Variants in EVC2 observed in about 807,000 individuals in gnomAD.
EVC2 encodes the protein EvC ciliary complex subunit 2, also known as limbin.
Under a neutral mutation model 149.3 loss-of-function variants are expected in EVC2, and 148 were observed. The ratio of observed to expected loss-of-function variants is 0.99; its 90% CI spans 0.87 to 1.14. EVC2 has a LOEUF of 1.14. Among genes scored for constraint, EVC2 ranks in the 50% most tolerant of loss-of-function variants. The pLI is 0.00. For synonymous variants in EVC2, 776 were observed against 649.9 expected, an observed-to-expected ratio of 1.19 and a Z score of -2.95; for missense variants, 1,854 against 1,627.3, an observed-to-expected ratio of 1.14 and a Z score of -2.40.
rs139579213 is a variant in EVC2 at position 5,544,402 on chromosome 4, C to T, written c.3420-1190G>A. On this transcript the variant is annotated intron_variant and NMD_transcript_variant, in intron 21 of 22. Coordinates refer to the EVC2 transcript ENST00000475313. ...TTTCTCTGGAAATAATTTGATTATC[C>T]GTCTCATGCTACCCCCCACACACAT... 3.0e-3 allele frequency among the ~76,000 whole-genome samples: 457 copies of T among 152,244 alleles called. 2 individuals carry two copies. Among genetic ancestry groups the T allele is most frequent in the African/African-American group, 0.01 (432 of 41,538 alleles).
intron 19 of EVC2, among the ~76,000 whole-genome samples, chr4:5,570,238 T>C (rs1167699562): frequency 1.3e-5 from 2 of 152,174 alleles, no homozygotes; most frequent in African/African-American, 4.8e-5. Flanking sequence ...CAACAGACAT[T>C]TGTTGGATAA....
chr4:5,593,737 G>T (rs1713070918), intron 16 of EVC2, among the ~76,000 whole-genome samples: 1 of 152,164 alleles, frequency 6.6e-6, no homozygotes, highest in African/African-American at 2.4e-5. Context: ...TGGGTACAGT[G>T]CACCGTGCGT....
chr4:5,565,186 C>T (rs1722194616), intron 21 of EVC2, 72 bp downstream of exon 21: 2 of 1,450,790 alleles, frequency 1.4e-6, no homozygotes, highest in African/African-American at 1.4e-5. Context: ...TCACCTCCTG[C>T]CTCCCCAGCC....
chr4:5,652,060 A>G (rs1718182998), intron 9 of EVC2, among the ~76,000 whole-genome samples: 1 of 152,226 alleles, frequency 6.6e-6, no homozygotes, highest in Non-Finnish European at 1.5e-5. Flanking sequence ...AAGCTGGCGA[A>G]GGCTTTTCAG....
chr4:5,534,790 G>C, the EVC2 span, among the ~76,000 whole-genome samples: 11 of 143,018 alleles, frequency 7.7e-5, no homozygotes, highest in African/African-American at 2.9e-4. Flanking sequence ...GTTCACAGTG[G>C]TCTGGCACTT....
At chr4:5,628,906 A>G (rs955521860) in intron 11 of EVC2, among the ~76,000 whole-genome samples, 172 bp from the exon 12 acceptor site, 1 of 152,246 alleles carries the variant, frequency 6.6e-6, no homozygotes, top group African/African-American at 2.4e-5. Context: ...TGAGAAAATT[A>G]CATACAAATA....
At chr4:5,649,044 A>T (rs1717925285) in intron 9 of EVC2, among the ~76,000 whole-genome samples, 1 of 152,188 alleles carries the variant, frequency 6.6e-6, no homozygotes, top group Admixed American at 6.5e-5. Context: ...ACAACAATGA[A>T]ATACACGTAT....
chr4:5,670,304 G>A lies in EVC2; in HGVS notation c.871-4655C>T, dbSNP rs546228046. Among the ~76,000 whole-genome samples, 56 of 151,342 alleles carry A rather than the reference G, an allele frequency of 3.7e-4. No individual in the cohort carries two copies. Among genetic ancestry groups the A allele is most frequent in the African/African-American group, 1.3e-3 (52 of 41,224 alleles). On this transcript the variant is annotated intron_variant, in intron 7 of 21. Transcript: ENST00000344408. The surrounding 1 kb of genome is among the most constrained non-coding windows in gnomAD (Gnocchi z 5.2). ...ATTAACACCATCATGATCACCATCA[G>A]CAGCAGCATCACCATCAAATTCATC...
At chr4:5,544,731 G>A (rs1393402142) in intron 21 of EVC2, among the ~76,000 whole-genome samples, 1 of 152,148 alleles carries the variant, frequency 6.6e-6, no homozygotes, top group South Asian at 2.1e-4. Flanking sequence ...AGGGGGTGAG[G>A]AGTTACCAAT....
downstream of EVC2, among the ~76,000 whole-genome samples, chr4:5,561,324 C>G (rs1461116045): frequency 6.6e-6 from 1 of 152,200 alleles, no homozygotes. Context: ...CAAGACCATG[C>G]ATGCTCCACT....
chr4:5,548,538 T>C (rs1721666328), intron 21 of EVC2, among the ~76,000 whole-genome samples: 1 of 151,974 alleles, frequency 6.6e-6, no homozygotes, highest in Admixed American at 6.6e-5. Flanking sequence ...TTACATGCAG[T>C]GGAACTCAAT....
intron 16 of EVC2, among the ~76,000 whole-genome samples, chr4:5,596,949 A>T (rs1439975166): frequency 1.3e-5 from 2 of 152,216 alleles, no homozygotes; most frequent in African/African-American, 4.8e-5. Context: ...CTACGCAAAT[A>T]AACTAGAAAA....
In EVC2 at chr4:5,614,392, C is replaced by T. The variant is rs1715076461; in HGVS notation, c.2829+1030G>A. Among the ~76,000 whole-genome samples, 1 of 138,582 alleles carries T rather than the reference C, an allele frequency of 7.2e-6. No homozygotes were observed. The highest frequency in any genetic ancestry group is 2.7e-5 in the African/African-American group (1 of 37,398). 90.9% of individuals were successfully genotyped at this position (138,582 alleles called of 152,430 possible). On this transcript the variant is annotated intron_variant, in intron 16 of 21. Transcript: ENST00000344408. The surrounding 1 kb of genome is among the most constrained non-coding windows in gnomAD (Gnocchi z 4.7). ...AACCCCAGAGTTAACTGACACAGCG[C>T]CTGGGACACTGTTGCCTCCCCAAAA...
intron 4 of EVC2, among the ~76,000 whole-genome samples, chr4:5,690,853 G>T (rs1330699686): frequency 2.6e-5 from 4 of 152,234 alleles, no homozygotes; most frequent in African/African-American, 9.6e-5. Context: ...GCAAATCACT[G>T]ACCCTAAGGC....
At chr4:5,572,349 A>C (rs567375085) in intron 19 of EVC2, among the ~76,000 whole-genome samples, 101 of 152,324 alleles carry the variant, frequency 6.6e-4, no homozygotes, top group African/African-American at 2.2e-3. Context: ...CACAAATGCC[A>C]CTATTAGGAA....
At chr4:5,575,452 G>T (rs4689260) in intron 18 of EVC2, among the ~76,000 whole-genome samples, 1 of 152,004 alleles carries the variant, frequency 6.6e-6, no homozygotes, top group South Asian at 2.1e-4. Flanking sequence ...CAATTATTTC[G>T]ATGGGACAGA....
At chr4:5,559,113 G>A (rs1051784703), downstream of EVC2, among the ~76,000 whole-genome samples, 14 of 152,130 alleles carry the variant, frequency 9.2e-5, no homozygotes, top group African/African-American at 3.4e-4. The surrounding 1 kb of genome is among the most constrained non-coding windows in gnomAD (Gnocchi z 5.0). Context: ...GGGAGGTTGA[G>A]GTATGAGGAT....
Position 5,625,975 on chromosome 4 carries a change from T to C in EVC2, c.1887-67A>G. 7 of 1,581,610 alleles carry C rather than the reference T, an allele frequency of 4.4e-6. No homozygotes were observed. Among genetic ancestry groups the C allele is most frequent in the Non-Finnish European group, 6.1e-6 (7 of 1,154,432 alleles). On this transcript the variant is annotated intron_variant, in intron 12 of 21. Coordinates refer to ENST00000344408, the MANE Select transcript of EVC2 (RefSeq NM_147127.5). The surrounding 1 kb of genome is among the most constrained non-coding windows in gnomAD (Gnocchi z 4.0). ...CTCACCTGTAGCTTAACTGCTATTG[T>C]GCCTGAACATTCATCTCCATATTAG... is the stretch of plus-strand genomic sequence containing the variant.
At chr4:5,639,903 G>C (rs1404343556) in intron 10 of EVC2, among the ~76,000 whole-genome samples, 1 of 152,122 alleles carries the variant, frequency 6.6e-6, no homozygotes, top group Non-Finnish European at 1.5e-5. Context: ...TGAACTTCTT[G>C]AATGGAAGAA....
Sources: gnomAD v4.1 joint callset for allele counts (sites outside exome capture counted in the v4.1 genomes callset) on GRCh38, gnomAD v4.1.1 for gene constraint, Gnocchi (gnomAD v3.1) non-coding constraint, MANE v1.5 for transcripts, NCBI Gene and HGNC (gene_info 2026-07-23, HGNC 2026-07-21) for gene names.